JAK1: variants seen among roughly 807,000 people sequenced by gnomAD.
JAK1 encodes Janus kinase 1.
In JAK1, 16 loss-of-function variants were observed where a neutral mutation model predicts 136.6. That is an observed-to-expected ratio of 0.12 (90% confidence interval 0.08 to 0.18). The LOEUF (loss-of-function observed/expected upper bound fraction) is 0.18, where lower values mean the gene tolerates loss of function less well. Among genes scored for constraint, JAK1 ranks in the 10% least tolerant of loss-of-function variants. The probability of loss-of-function intolerance (pLI) is 1.00; values close to 1 mark genes in which losing one functional copy is unlikely to be tolerated. For synonymous variants in JAK1, 492 were observed against 519.5 expected, an observed-to-expected ratio of 0.95 and a Z score of 0.72; for missense variants, 859 against 1,450.1, an observed-to-expected ratio of 0.59 and a Z score of 6.62.
intron 1 of JAK1, among the ~76,000 whole-genome samples, chr1:64,937,035 TAA>T (rs370992503): frequency 1.0e-4 from 14 of 137,368 alleles, no homozygotes; most frequent in Non-Finnish European, 8.0e-5. Context: ...AATGACTGTT[TAA>T]AAAAAAAAAA....
intron 2 of JAK1, among the ~76,000 whole-genome samples, chr1:65,014,596 A>C (rs1646877000): frequency 6.6e-6 from 1 of 152,044 alleles, no homozygotes. Flanking sequence ...TGGACCACTA[A>C]CTTCTCAGTA....
At chr1:64,959,972 A>G (rs1646253006) in intron 1 of JAK1, among the ~76,000 whole-genome samples, 1 of 152,222 alleles carries the variant, frequency 6.6e-6, no homozygotes, top group African/African-American at 2.4e-5. Flanking sequence ...CATGCCTATT[A>G]TCCCAAAACT....
At chr1:64,949,443 A>G (rs1041731223) in intron 1 of JAK1, among the ~76,000 whole-genome samples, 1 of 152,184 alleles carries the variant, frequency 6.6e-6, no homozygotes, top group African/African-American at 2.4e-5. Context: ...TGTTTCCTTT[A>G]TTATAACCCA....
chr1:64,970,571 C>T (rs1646442444), upstream of JAK1, among the ~76,000 whole-genome samples: 4 of 152,032 alleles, frequency 2.6e-5, no homozygotes, highest in South Asian at 4.1e-4. Context: ...GCCTGGCCAA[C>T]ATGGCAAAAC....
chr1:64,923,008 ATAAAG>A (rs1645522207), intron 1 of JAK1, among the ~76,000 whole-genome samples: 1 of 152,230 alleles, frequency 6.6e-6, no homozygotes, highest in East Asian at 1.9e-4. Context: ...ATTAGCTACT[ATAAAG>A]TAAATTTGGA....
chr1:64,975,250 T>A (rs528312138), intron 2 of JAK1, among the ~76,000 whole-genome samples: 2 of 152,160 alleles, frequency 1.3e-5, no homozygotes, highest in Non-Finnish European at 2.9e-5. Context: ...CATGCACCAC[T>A]GCACCCCAAA....
At chr1:64,913,397 T>A (rs1645318346) in intron 1 of JAK1, among the ~76,000 whole-genome samples, 1 of 152,082 alleles carries the variant, frequency 6.6e-6, no homozygotes, top group Admixed American at 6.5e-5. Flanking sequence ...TGAACTGCCA[T>A]GGACTCACTC....
At chr1:64,837,784 A>C (rs555231241) in intron 22 of JAK1, 148 bp downstream of exon 22, 3 of 573,156 alleles carry the variant, frequency 5.2e-6, no homozygotes, top group Non-Finnish European at 8.6e-6. Context: ...TTGAAGATAA[A>C]TATCAATCAA....
chr1:64,960,010 T>G (rs945949934), intron 1 of JAK1, among the ~76,000 whole-genome samples: 2 of 152,206 alleles, frequency 1.3e-5, no homozygotes, highest in Non-Finnish European at 2.9e-5. Flanking sequence ...GAGGATTGCT[T>G]GAGCCCAGGA....
intron 1 of JAK1, among the ~76,000 whole-genome samples, chr1:64,934,483 A>G (rs192121305): frequency 1.2e-4 from 18 of 152,244 alleles, no homozygotes; most frequent in Non-Finnish European, 1.8e-4. Context: ...GAATCCACAG[A>G]GCAGTAAAGA....
intron 1 of JAK1, among the ~76,000 whole-genome samples, chr1:64,957,801 G>A (rs533376385): frequency 4.6e-5 from 7 of 152,302 alleles, no homozygotes; most frequent in Admixed American, 6.5e-5. Context: ...AAAATTAGCC[G>A]GGCGCGGTGG....
intron 1 of JAK1, among the ~76,000 whole-genome samples, chr1:64,914,138 G>A (rs1219519266): frequency 6.6e-6 from 1 of 152,208 alleles, no homozygotes; most frequent in Non-Finnish European, 1.5e-5. Context: ...GCAGCTGACA[G>A]AAGGCAGAGA....
At chr1:64,853,766 G>A (rs998038838) in intron 11 of JAK1, among the ~76,000 whole-genome samples, 5 of 98,242 alleles carry the variant, frequency 5.1e-5, no homozygotes, top group Non-Finnish European at 9.0e-5. Context: ...AGCAGCTCCT[G>A]CTACCTGTTC....
intron 1 of JAK1, among the ~76,000 whole-genome samples, chr1:64,919,263 G>A (rs146382260): frequency 0.043 from 6,564 of 152,230 alleles, 258 homozygotes; most frequent in Admixed American, 0.14. Flanking sequence ...CAGAACATGC[G>A]GTGTTTGGTT....
intron 2 of JAK1, among the ~76,000 whole-genome samples, chr1:65,002,759 G>A (rs1036870705): frequency 3.0e-4 from 45 of 152,286 alleles, no homozygotes; most frequent in African/African-American, 9.6e-4. Context: ...GCGCGAGCCC[G>A]GACTTCCCCG....
At chr1:64,838,690 A>C in intron 20 of JAK1, 101 bp from the exon 21 acceptor site, 1 of 1,171,476 alleles carries the variant, frequency 8.5e-7, no homozygotes, top group Non-Finnish European at 1.2e-6. Context: ...AGGTGACGCC[A>C]GCTTCGCCCC....
At chr1:65,000,367 A>C (rs1646744008) in intron 2 of JAK1, among the ~76,000 whole-genome samples, 1 of 151,854 alleles carries the variant, frequency 6.6e-6, no homozygotes, top group Non-Finnish European at 1.5e-5. Context: ...GCCTGGCAAG[A>C]TGAGTCCTGC....
intron 13 of JAK1, 89 bp from the exon 14 acceptor site, chr1:64,846,825 C>A: frequency 1.0e-6 from 1 of 993,878 alleles, no homozygotes; most frequent in Non-Finnish European, 1.6e-6. Context: ...GCCAGTGGAC[C>A]CAGGAAAGCT....
intron 1 of JAK1, among the ~76,000 whole-genome samples, chr1:64,940,937 G>C (rs1645879336): frequency 1.3e-5 from 2 of 152,174 alleles, no homozygotes; most frequent in Non-Finnish European, 2.9e-5. Flanking sequence ...GGCTGAGATG[G>C]GTGGACAACC....
Sources: gnomAD v4.1 joint callset for allele counts (sites outside exome capture counted in the v4.1 genomes callset) on GRCh38, gnomAD v4.1.1 for gene constraint, MANE v1.5 for transcripts, NCBI Gene and HGNC (gene_info 2026-07-23, HGNC 2026-07-21) for gene names.